Variants in CCDC7 observed in about 807,000 individuals in gnomAD.
CCDC7 encodes coiled-coil domain-containing protein 7.
CCDC7 carries 183 observed loss-of-function variants against 196.9 expected under a neutral mutation model. The ratio of observed to expected loss-of-function variants is 0.93; its 90% confidence interval spans 0.82 to 1.05. The LOEUF is 1.05. CCDC7 is among the 50% of genes least tolerant of loss of function. CCDC7 has a pLI of 0.00. For missense variants in CCDC7, 1,540 were observed against 1,482.2 expected, an observed-to-expected ratio of 1.04 and a Z score of -0.64; for synonymous variants, 525 against 484.6, an observed-to-expected ratio of 1.08 and a Z score of -1.10.
intron 11 of CCDC7, among the ~76,000 whole-genome samples, chr10:32,530,990 C>G (rs2049564283): frequency 6.6e-6 from 1 of 152,042 alleles, no homozygotes; most frequent in Non-Finnish European, 1.5e-5. Context: ...TTATCAAATG[C>G]TTTTTCAGCA....
At chr10:32,479,186 G>A (rs2039533341) in intron 8 of CCDC7, among the ~76,000 whole-genome samples, 1 of 151,928 alleles carries the variant, frequency 6.6e-6, no homozygotes, top group African/African-American at 2.4e-5. Context: ...TTTATTTCTT[G>A]CATTCGTATT....
At chr10:32,582,787 T>C (rs1442937320) in intron 16 of CCDC7, among the ~76,000 whole-genome samples, 1 of 152,204 alleles carries the variant, frequency 6.6e-6, no homozygotes, top group African/African-American at 2.4e-5. Context: ...GCTTACAACC[T>C]TGAATAATGA....
chr10:32,517,976 G>T lies in CCDC7; in HGVS notation c.903+1G>T. 6.3e-7 allele frequency: 1 copy of T among 1,581,148 alleles called. No individual in the cohort carries two copies. Among genetic ancestry groups the T allele is most frequent in the Non-Finnish European group, 8.6e-7 (1 of 1,166,182 alleles). ...AAATGATCAAGTTTTGTTAGATGCT[G>T]TAAGTATAGTACTCTCAATTTGAAA... On this transcript the variant is annotated splice_donor_variant, in intron 10 of 41. Transcript: ENST00000639629. LOFTEE classifies it high-confidence loss of function.
intron 18 of CCDC7, among the ~76,000 whole-genome samples, chr10:32,593,109 T>G (rs1015495192): frequency 6.6e-6 from 1 of 152,238 alleles, no homozygotes; most frequent in Non-Finnish European, 1.5e-5. Flanking sequence ...TTCTAGATCC[T>G]TGAAGAATCG....
intron 25 of CCDC7, among the ~76,000 whole-genome samples, chr10:32,716,918 C>T (rs563059511): frequency 1.3e-5 from 2 of 151,870 alleles, no homozygotes; most frequent in African/African-American, 2.4e-5. Context: ...GAGACTTAGA[C>T]TCCCACACAA....
chr10:32,653,407 AT>A (rs139312147), intron 20 of CCDC7, among the ~76,000 whole-genome samples: 13,413 of 152,052 alleles, frequency 0.088, 860 homozygotes, highest in East Asian at 0.33. Flanking sequence ...AAGAAGAAAG[AT>A]TTTTCTACAC....
intron 18 of CCDC7, among the ~76,000 whole-genome samples, chr10:32,618,616 C>G (rs1304562588): frequency 1.3e-5 from 2 of 151,918 alleles, no homozygotes; most frequent in East Asian, 3.9e-4. Flanking sequence ...TCTCTCAGCA[C>G]TTTGAAAATG....
chr10:32,722,716 A>G (rs1218191200), intron 25 of CCDC7, among the ~76,000 whole-genome samples: 1 of 152,010 alleles, frequency 6.6e-6, no homozygotes, highest in Admixed American at 6.6e-5. Context: ...CCTATTTCCA[A>G]ATAAGATCAC....
At chr10:32,805,055 C>T in exon 30 of CCDC7, 1 of 1,612,248 alleles carries the variant, frequency 6.2e-7, no homozygotes, top group South Asian at 1.1e-5. Flanking sequence ...TGGGAAGACG[C>T]TTATTAAATG....
At chr10:32,658,879 G>T (rs574314752) in intron 20 of CCDC7, among the ~76,000 whole-genome samples, 61 of 152,174 alleles carry the variant, frequency 4.0e-4, no homozygotes, top group African/African-American at 1.2e-3. Flanking sequence ...TATTTCTGTG[G>T]TCAGTTGTAA....
intron 23 of CCDC7, among the ~76,000 whole-genome samples, chr10:32,689,433 T>G (rs1004534134): frequency 6.6e-6 from 1 of 152,138 alleles, no homozygotes; most frequent in African/African-American, 2.4e-5. Flanking sequence ...TTCAGCCAAC[T>G]GAAAGTAATT....
At position 32,677,220 on chromosome 10, in the gene CCDC7, T is replaced by TG. The variant is rs890541070; in HGVS notation, c.2123-8744dup. ...TCACACTCTGGGGACTGTTGTGGGGTGGGGGGAGGGGGGAAGGATAGCATT... is the reference window on the plus strand; with the variant it reads ...TCACACTCTGGGGACTGTTGTGGGGTGGGGGGGAGGGGGGAAGGATAGCATT... On this transcript the variant is annotated intron_variant, in intron 21 of 41. Transcript: ENST00000639629. Among the ~76,000 whole-genome samples, 14 of 53,602 alleles carry TG rather than the reference T, an allele frequency of 2.6e-4. No homozygotes were observed. The Admixed American group carries it at 3.9e-3, about 15-fold the overall frequency. 35.2% of individuals were successfully genotyped at this position (53,602 alleles called of 152,430 possible).
intron 20 of CCDC7, among the ~76,000 whole-genome samples, chr10:32,659,992 A>G (rs1305301706): frequency 2.0e-5 from 3 of 152,198 alleles, no homozygotes; most frequent in Non-Finnish European, 4.4e-5. Context: ...CCAAAGGAAT[A>G]GATATCATTC....
At chr10:32,493,711 C>T (rs1437001456) in intron 9 of CCDC7, among the ~76,000 whole-genome samples, 3 of 151,772 alleles carry the variant, frequency 2.0e-5, no homozygotes, top group Non-Finnish European at 4.4e-5. Context: ...AATGTTTTTT[C>T]TTTTTGATAA....
intron 41 of CCDC7, among the ~76,000 whole-genome samples, chr10:32,868,226 A>G (rs1224121397): frequency 6.6e-6 from 1 of 151,950 alleles, no homozygotes; most frequent in Non-Finnish European, 1.5e-5. Flanking sequence ...TGCTATAAAA[A>G]CGGGTGTACA....
At chr10:32,461,635 TATGAAAAAAATATA>T (rs1280317979) in intron 3 of CCDC7, among the ~76,000 whole-genome samples, 4 of 150,068 alleles carry the variant, frequency 2.7e-5, no homozygotes, top group Admixed American at 6.6e-5. Context: ...CTTGCTGCTG[TATGAAAAAAATATA>T]ATGCTCCTCT....
intron 20 of CCDC7, among the ~76,000 whole-genome samples, chr10:32,652,136 T>C (rs2068879043): frequency 6.6e-6 from 1 of 152,202 alleles, no homozygotes; most frequent in African/African-American, 2.4e-5. Context: ...CATCCTTCTG[T>C]TGTATTGAGC....
intron 8 of CCDC7, among the ~76,000 whole-genome samples, chr10:32,482,914 T>G (rs1392465237): frequency 6.6e-6 from 1 of 152,180 alleles, no homozygotes; most frequent in Non-Finnish European, 1.5e-5. Context: ...GACATTTGGG[T>G]TGGTTCCAAG....
chr10:32,513,962 T>C (rs1472624877), intron 9 of CCDC7: 3 of 152,136 alleles, frequency 2.0e-5, no homozygotes, highest in Admixed American at 6.6e-5. Context: ...CTATTCATCA[T>C]TATAGTGGAG....
Sources: gnomAD v4.1 joint callset for allele counts (sites outside exome capture counted in the v4.1 genomes callset) on GRCh38, gnomAD v4.1.1 for gene constraint, MANE v1.5 for transcripts, NCBI Gene and HGNC (gene_info 2026-07-23, HGNC 2026-07-21) for gene names.